CABCOCO1: variants seen among roughly 807,000 people sequenced by gnomAD.
CABCOCO1 encodes the protein ciliary associated calcium binding coiled-coil 1, also known as ciliary-associated calcium-binding coiled-coil protein 1.
A neutral mutation model predicts 35.7 loss-of-function variants in CABCOCO1; 28 were observed. That is an observed-to-expected ratio of 0.78 (90% CI 0.58 to 1.07). CABCOCO1 has a LOEUF of 1.07. CABCOCO1 is among the 50% of genes least tolerant of loss of function. The pLI is 0.00. For synonymous variants in CABCOCO1, 95 were observed against 100.1 expected (o/e 0.95, Z 0.30); for missense variants, 326 against 309.2 (o/e 1.05, Z -0.41).
intron 5 of CABCOCO1, among the ~76,000 whole-genome samples, chr10:61,700,161 C>G (rs1840411782): frequency 6.6e-6 from 1 of 151,944 alleles, no homozygotes; most frequent in African/African-American, 2.4e-5. Flanking sequence ...TGGGAAATGT[C>G]TAACTATTGT....
intron 5 of CABCOCO1, among the ~76,000 whole-genome samples, chr10:61,732,106 A>G (rs560740042): frequency 6.1e-4 from 93 of 152,252 alleles, no homozygotes; most frequent in Middle Eastern, 3.4e-3. Flanking sequence ...AAGTAATTTT[A>G]TTATGTGAAA....
chr10:61,678,945 A>C (rs1002812044), intron 2 of CABCOCO1, among the ~76,000 whole-genome samples: 2 of 152,154 alleles, frequency 1.3e-5, no homozygotes, highest in Non-Finnish European at 2.9e-5. Context: ...ATGTTGAAGA[A>C]ATAGACCTAT....
Position 61,766,181 on chromosome 10 carries a change from C to T in CABCOCO1, c.*168C>T. On this transcript the variant is annotated 3_prime_UTR_variant, in exon 8 of 8. Coordinates refer to ENST00000648843, the MANE Select transcript of CABCOCO1 (RefSeq NM_001366906.2). ...TAGAAAAGTATTGGTCCCAATTTTG[C>T]TATCTCCCATCCCATAACAGCCTCT... 3.5e-6 allele frequency: 2 copies of T among 576,734 alleles called. No homozygotes were observed. Among genetic ancestry groups the T allele is most frequent in the Non-Finnish European group, 6.0e-6 (2 of 334,544 alleles). 35.7% of individuals were successfully genotyped at this position (576,734 alleles called of 1,614,324 possible).
At chr10:61,687,342 C>A (rs1243566104) in intron 4 of CABCOCO1, among the ~76,000 whole-genome samples, 1 of 152,146 alleles carries the variant, frequency 6.6e-6, no homozygotes, top group African/African-American at 2.4e-5. Flanking sequence ...TGGAGGAGAG[C>A]CTATTCCTCA....
intron 7 of CABCOCO1, among the ~76,000 whole-genome samples, chr10:61,763,610 T>C (rs1372116072): frequency 6.6e-6 from 1 of 152,012 alleles, no homozygotes; most frequent in African/African-American, 2.4e-5. Flanking sequence ...CATTACATGT[T>C]GGCTGTTGGC....
chr10:61,692,964 T>C lies in CABCOCO1; in HGVS notation c.552+2343T>C, dbSNP rs192336667. ...GCTTCAATAACAGCATAAGTTGATA[T>C]TGAGAGTGATCAAGAAAAAATTTCA... On this transcript the variant is annotated intron_variant, in intron 5 of 7. Transcript: ENST00000648843. 2.0e-5 allele frequency among the ~76,000 whole-genome samples: 3 copies of C among 152,276 alleles called. No homozygotes were observed. The East Asian group carries it at 5.8e-4, about 29-fold the overall frequency.
At chr10:61,734,312 G>A (rs753694052) in intron 5 of CABCOCO1, among the ~76,000 whole-genome samples, 5 of 151,880 alleles carry the variant, frequency 3.3e-5, no homozygotes, top group Admixed American at 6.6e-5. Context: ...TTCTCAGATC[G>A]ATGGATTAGG....
chr10:61,663,208 G>A (rs1279736432), intron 1 of CABCOCO1, 176 bp downstream of exon 1: 5 of 177,644 alleles, frequency 2.8e-5, no homozygotes, highest in Admixed American at 1.3e-4. Flanking sequence ...GCTGCGCTGG[G>A]GTCCCCGACA....
chr10:61,673,865 C>G (rs187662563), intron 2 of CABCOCO1, among the ~76,000 whole-genome samples: 1 of 152,052 alleles, frequency 6.6e-6, no homozygotes, highest in Admixed American at 6.6e-5. Context: ...AATTAAGGTT[C>G]GTTAGGAATT....
At chr10:61,665,920 C>T (rs555906829) in intron 1 of CABCOCO1, among the ~76,000 whole-genome samples, 7 of 151,538 alleles carry the variant, frequency 4.6e-5, no homozygotes, top group Non-Finnish European at 7.4e-5. Context: ...GGAATTGAAT[C>T]ATAAGTAGTA....
chr10:61,729,583 G>T (rs2132052295), intron 5 of CABCOCO1, among the ~76,000 whole-genome samples: 1 of 152,136 alleles, frequency 6.6e-6, no homozygotes, highest in Admixed American at 6.5e-5. Context: ...AAATATAACT[G>T]CCATATATGA....
In CABCOCO1 at chr10:61,686,125, A is replaced by T. The variant is rs143859270; in HGVS notation, c.419A>T (p.Glu140Val). Residue 140 changes from glutamate to valine, a missense_variant, in exon 4 of 8, where the codon GAG (glutamate) becomes GTG (valine). By Grantham distance (121) the Glu-to-Val change is moderately radical (BLOSUM62 -2). Coordinates refer to ENST00000648843, the MANE Select transcript of CABCOCO1 (RefSeq NM_001366906.2). ...EIGPTHSQKS[E>V]DWNIFDVKQA... ...GGACCAACACATTCGCAAAAGAGTG[A>T]GGACTGGAATATCTTTGATGTAAAA... 2.7e-5 allele frequency: 44 copies of T among 1,604,334 alleles called. No homozygotes were observed. The African/African-American group carries it at 5.0e-4, about 18-fold the overall frequency.
intron 5 of CABCOCO1, among the ~76,000 whole-genome samples, chr10:61,727,099 T>C (rs1325334188): frequency 6.6e-6 from 1 of 152,166 alleles, no homozygotes; most frequent in Admixed American, 6.5e-5. Flanking sequence ...AGAGATAAAA[T>C]GTGATCTTAG....
At chr10:61,684,537 A>T (rs1839896344) in intron 3 of CABCOCO1, among the ~76,000 whole-genome samples, 1 of 152,172 alleles carries the variant, frequency 6.6e-6, no homozygotes, top group South Asian at 2.1e-4. Flanking sequence ...CCAAATCAAC[A>T]TTACAACAAG....
At chr10:61,721,769 C>A (rs910557344) in intron 5 of CABCOCO1, among the ~76,000 whole-genome samples, 2 of 152,158 alleles carry the variant, frequency 1.3e-5, no homozygotes, top group Non-Finnish European at 2.9e-5. Flanking sequence ...CCATAGAATT[C>A]AGTGTCACAA....
intron 5 of CABCOCO1, among the ~76,000 whole-genome samples, chr10:61,720,944 C>T (rs67765288): frequency 3.2e-5 from 3 of 93,868 alleles, no homozygotes; most frequent in Non-Finnish European, 2.2e-5. Flanking sequence ...TTTTTTTTTG[C>T]GACAGAGTCT....
At position 61,766,367 on chromosome 10, in the gene CABCOCO1, A is replaced by G. The variant is rs566102007; in HGVS notation, c.*354A>G. On this transcript the variant is annotated 3_prime_UTR_variant, in exon 8 of 8. Transcript: ENST00000648843. ...AAGTCAACTTTTTAAATAACCAGAA[A>G]TAAAGAAAGATGATAATAACTTCAT... 15 of 162,618 alleles carry G rather than the reference A, an allele frequency of 9.2e-5. No individual in the cohort carries two copies. The highest frequency in any genetic ancestry group is 5.4e-4 in the South Asian group (3 of 5,536). 10.1% of individuals were successfully genotyped at this position (162,618 alleles called of 1,614,324 possible).
intron 1 of CABCOCO1, among the ~76,000 whole-genome samples, chr10:61,663,749 A>G (rs954598204): frequency 1.3e-5 from 2 of 152,096 alleles, no homozygotes; most frequent in Admixed American, 6.6e-5. Flanking sequence ...TCCATAATAA[A>G]TGGGTTTTAA....
At chr10:61,709,639 T>G (rs906144714) in intron 5 of CABCOCO1, among the ~76,000 whole-genome samples, 7 of 121,374 alleles carry the variant, frequency 5.8e-5, no homozygotes, top group African/African-American at 1.8e-4. Context: ...AGTGGAAATT[T>G]TTTTAAAGTC....
Sources: allele counts gnomAD v4.1 joint callset (sites outside exome capture counted in the v4.1 genomes callset), GRCh38; gene constraint gnomAD v4.1.1; transcripts MANE v1.5; gene names NCBI Gene and HGNC (gene_info 2026-07-23, HGNC 2026-07-21).